Variants in KDM4A observed in about 807,000 individuals in gnomAD.
KDM4A encodes lysine-specific demethylase 4A.
KDM4A carries 23 observed loss-of-function variants against 127.1 expected under a neutral mutation model. That is an observed-to-expected ratio of 0.18 (90% confidence interval 0.13 to 0.26). The LOEUF is 0.26. Ranked by LOEUF, KDM4A falls within the 10% of genes least tolerant of loss-of-function variation. The pLI, the probability that KDM4A is intolerant of heterozygous loss-of-function variation, is 1.00. For synonymous variants in KDM4A, 443 were observed against 466.5 expected (o/e 0.95, Z 0.65); for missense variants, 890 against 1,329.1 (o/e 0.67, Z 5.14).
At chr1:43,677,929 T>C (rs1660778503) in intron 11 of KDM4A, among the ~76,000 whole-genome samples, 2 of 151,760 alleles carry the variant, frequency 1.3e-5, no homozygotes, top group African/African-American at 4.8e-5. Flanking sequence ...GAGAGAGAGG[T>C]AGTGAGGACC....
chr1:43,669,338 A>C, intron 10 of KDM4A, 39 bp downstream of exon 10: 158 of 1,585,396 alleles, frequency 1.0e-4, no homozygotes, highest in Non-Finnish European at 1.2e-4. Flanking sequence ...ACCCTAACTC[A>C]TATATGTGTC....
intron 18 of KDM4A, among the ~76,000 whole-genome samples, chr1:43,695,213 G>C (rs912992784): frequency 2.6e-5 from 4 of 152,166 alleles, no homozygotes; most frequent in Non-Finnish European, 5.9e-5. Context: ...CTAGTGTCCG[G>C]GACATGCAGA....
intron 5 of KDM4A, 41 bp downstream of exon 5, chr1:43,663,128 A>G: frequency 6.4e-7 from 1 of 1,557,892 alleles, no homozygotes; most frequent in African/African-American, 1.4e-5. Context: ...TCTATGCTAG[A>G]GCACGGGCTC....
intron 1 of KDM4A, chr1:43,650,526 CG>C (rs976518656): frequency 1.3e-5 from 2 of 152,252 alleles, no homozygotes; most frequent in Admixed American, 6.6e-5. Flanking sequence ...GCGGCGGGGC[CG>C]GGAGGGGCCG....
intron 1 of KDM4A, 35 bp from the exon 2 acceptor site, chr1:43,653,102 T>G: frequency 8.9e-7 from 1 of 1,123,784 alleles, no homozygotes; most frequent in Non-Finnish European, 1.2e-6. Context: ...ATTTTAATTT[T>G]TATATTATTT....
chr1:43,676,833 G>A (rs1660751878), intron 11 of KDM4A, among the ~76,000 whole-genome samples: 1 of 152,042 alleles, frequency 6.6e-6, no homozygotes, highest in African/African-American at 2.4e-5. Flanking sequence ...TATTTGTCTT[G>A]TCTTTATGCT....
At chr1:43,697,794 G>T (rs1457305170) in intron 18 of KDM4A, 49 bp from the exon 19 acceptor site, 2 of 1,559,164 alleles carry the variant, frequency 1.3e-6, no homozygotes. Flanking sequence ...CCATATGCCA[G>T]GCCTGCAAAC....
chr1:43,704,680 C>A lies in KDM4A; in HGVS notation c.*310C>A, dbSNP rs1324312158. ...TGCTGGCTGGACTGGCTGCCTTGTTCCTGGCCTAGGACTTAGCTTCATAAC... is the reference window on the plus strand; with the variant it reads ...TGCTGGCTGGACTGGCTGCCTTGTTACTGGCCTAGGACTTAGCTTCATAAC... On this transcript the variant is annotated 3_prime_UTR_variant, in exon 22 of 22. Coordinates refer to ENST00000372396, the MANE Select transcript of KDM4A (RefSeq NM_014663.3). The A allele has an allele frequency of 2.2e-5, 8 of 366,058 alleles. No homozygotes were observed. The Admixed American group carries it at 3.6e-4, about 16-fold the overall frequency. 22.7% of individuals were successfully genotyped at this position (366,058 alleles called of 1,614,324 possible). A position where few individuals can be genotyped will look rare whatever the true frequency, so the allele number is the denominator to read the frequency against.
chr1:43,691,959 C>T (rs60966070), intron 15 of KDM4A, among the ~76,000 whole-genome samples: 1 of 152,172 alleles, frequency 6.6e-6, no homozygotes, highest in African/African-American at 2.4e-5. Context: ...CAGTCAGAGC[C>T]CTGTCATGCC....
At chr1:43,652,399 A>G (rs560701168) in intron 1 of KDM4A, among the ~76,000 whole-genome samples, 3 of 152,096 alleles carry the variant, frequency 2.0e-5, no homozygotes, top group Non-Finnish European at 4.4e-5. Context: ...TGCAGTAACA[A>G]TGTCTCTGTT....
chr1:43,657,566 A>T (rs2154046468), intron 3 of KDM4A, among the ~76,000 whole-genome samples: 1 of 152,112 alleles, frequency 6.6e-6, no homozygotes, highest in South Asian at 2.1e-4. Flanking sequence ...ATTTACATAA[A>T]GGCATGTTGA....
At chr1:43,671,926 C>G (rs1275600589) in intron 11 of KDM4A, 51 bp downstream of exon 11, 1 of 1,501,650 alleles carries the variant, frequency 6.7e-7, no homozygotes. Context: ...TGGAGGACAC[C>G]CTGTCGGGAG....
At chr1:43,692,131 G>A in intron 15 of KDM4A, 125 bp from the exon 16 acceptor site, 1 of 865,326 alleles carries the variant, frequency 1.2e-6, no homozygotes, top group Admixed American at 1.9e-5. Flanking sequence ...CCTGGGTGAA[G>A]CCCCACATGC....
chr1:43,656,396 G>C (rs1352358627), intron 3 of KDM4A, among the ~76,000 whole-genome samples: 1 of 128,016 alleles, frequency 7.8e-6, no homozygotes, highest in Non-Finnish European at 1.6e-5. Context: ...GGAGTGCAGT[G>C]GAGTGATCTT....
At chr1:43,665,549 A>G in intron 5 of KDM4A, 147 bp from the exon 6 acceptor site, 2 of 662,352 alleles carry the variant, frequency 3.0e-6, no homozygotes, top group Non-Finnish European at 2.7e-6. Flanking sequence ...CAAACAGTCT[A>G]ATATTTCATT....
intron 8 of KDM4A, among the ~76,000 whole-genome samples, 195 bp from the exon 9 acceptor site, chr1:43,667,577 C>T (rs1317107595): frequency 6.6e-6 from 1 of 152,188 alleles, no homozygotes; most frequent in Non-Finnish European, 1.5e-5. Flanking sequence ...CATGTGCTCT[C>T]TGCCTTTTTT....
chr1:43,658,426 T>G (rs1660297292), intron 3 of KDM4A, among the ~76,000 whole-genome samples: 1 of 151,918 alleles, frequency 6.6e-6, no homozygotes, highest in South Asian at 2.1e-4. Context: ...TAATTGTATT[T>G]CAGAGAGAAT....
chr1:43,697,809 C>T (rs374436784), intron 18 of KDM4A, 34 bp from the exon 19 acceptor site: 39 of 1,599,132 alleles, frequency 2.4e-5, no homozygotes, highest in African/African-American at 1.1e-4. Context: ...GCAAACTCCA[C>T]GTGTGAGTAA....
At position 43,671,797 on chromosome 1, in the gene KDM4A, C is replaced by A. The variant is rs1219447999; in HGVS notation, c.1656C>A (p.Gly552=). 8 of 1,610,692 alleles carry A rather than the reference C, an allele frequency of 5.0e-6. No homozygotes were observed. Among genetic ancestry groups the A allele is most frequent in the Non-Finnish European group, 5.9e-6 (7 of 1,178,064 alleles). ...LTVHSYAKGD[G]RVTVGEPCTR... ...TGCACAGTTATGCCAAAGGGGATGG[C>A]AGGGTCACTGTGGGAGAGCCATGCA... is the stretch of plus-strand genomic sequence containing the variant. The change falls in exon 11 of 22, where the codon GGC becomes GGA. Residue 552 remains glycine, a synonymous_variant. Coordinates refer to ENST00000372396, the MANE Select transcript of KDM4A (RefSeq NM_014663.3).
Sources: gnomAD v4.1 joint callset for allele counts (sites outside exome capture counted in the v4.1 genomes callset) on GRCh38, gnomAD v4.1.1 for gene constraint, MANE v1.5 for transcripts, NCBI Gene and HGNC (gene_info 2026-07-23, HGNC 2026-07-21) for gene names.